The following GLMN variants were observed in gnomAD, a reference collection of about 807,000 sequenced individuals.
GLMN encodes the protein glomulin.
Under a neutral mutation model 87.8 loss-of-function variants are expected in GLMN, and 75 were observed. The observed-to-expected ratio is 0.85, with a 90% CI of 0.71 to 1.04. The LOEUF is 1.04. Among genes scored for constraint, GLMN ranks in the 50% least tolerant of loss-of-function variants. The pLI is 0.00. For missense variants in GLMN, 588 were observed against 658.8 expected, an observed-to-expected ratio of 0.89 and a Z score of 1.18; for synonymous variants, 206 against 221.6, an observed-to-expected ratio of 0.93 and a Z score of 0.63.
At chr1:92,323,343 G>A in the GLMN span, 1 of 717,858 alleles carries the variant, frequency 1.4e-6, no homozygotes, top group Non-Finnish European at 2.1e-6. Context: ...TACCTTGAAA[G>A]TTACAATGTA....
chr1:92,346,564 G>A, the GLMN span, among the ~76,000 whole-genome samples: 1 of 152,054 alleles, frequency 6.6e-6, no homozygotes, highest in Middle Eastern at 3.4e-3. Context: ...CATTGAATGG[G>A]CTTCATTATT....
chr1:92,261,467 C>T (rs1009700047), intron 16 of GLMN, among the ~76,000 whole-genome samples: 1 of 151,894 alleles, frequency 6.6e-6, no homozygotes, highest in Non-Finnish European at 1.5e-5. Context: ...GGCAAGAGAA[C>T]GAGACGCTCT....
chr1:92,317,663 A>T, the GLMN span, among the ~76,000 whole-genome samples: 1 of 152,126 alleles, frequency 6.6e-6, no homozygotes, highest in Non-Finnish European at 1.5e-5. Flanking sequence ...CATGCTACTG[A>T]ACTATATACC....
chr1:92,288,938 T>C lies in GLMN; in HGVS notation c.608A>G (p.Lys203Arg). ...DNKENSLENEKLKDELLKFCF... is the reference protein window; with the variant it reads ...DNKENSLENERLKDELLKFCF... ...CAATTTCAGTAATTCATCCTTTAAC[T>C]TTTCATTTTCCAGTGAGTTTTCTTT... is the stretch of plus-strand genomic sequence containing the variant. The change falls in exon 6 of 19, where the codon AAG (lysine) becomes AGG (arginine). Residue 203 changes from lysine to arginine, a missense_variant. Physicochemically the swap from Lys to Arg is conservative, Grantham distance 26. Coordinates refer to ENST00000370360, the MANE Select transcript of GLMN (RefSeq NM_053274.3). 1 of 1,588,418 alleles carries C rather than the reference T, an allele frequency of 6.3e-7. No individual in the cohort carries two copies. Among genetic ancestry groups the C allele is most frequent in the Non-Finnish European group, 8.6e-7 (1 of 1,156,844 alleles).
At chr1:92,341,073 A>T in the GLMN span, among the ~76,000 whole-genome samples, 7 of 152,062 alleles carry the variant, frequency 4.6e-5, no homozygotes, top group Non-Finnish European at 7.3e-5. Flanking sequence ...CCGTGTCGTG[A>T]TCTCAACTCA....
chr1:92,290,144 T>A, intron 5 of GLMN, 54 bp downstream of exon 5: 1 of 981,536 alleles, frequency 1.0e-6, no homozygotes. Flanking sequence ...GAGGTAACCA[T>A]CAAGGCATTT....
chr1:92,353,632 T>A, the GLMN span, among the ~76,000 whole-genome samples: 1 of 152,230 alleles, frequency 6.6e-6, no homozygotes, highest in African/African-American at 2.4e-5. Flanking sequence ...ATTTTTTGTT[T>A]CTTGCTTATA....
At chr1:92,269,591 T>G in intron 9 of GLMN, 132 bp downstream of exon 9, 2 of 681,074 alleles carry the variant, frequency 2.9e-6, no homozygotes, top group Non-Finnish European at 5.4e-6. Flanking sequence ...GTGAATTATT[T>G]GCCTCGCTGT....
At chr1:92,321,113 C>CAAA in the GLMN span, among the ~76,000 whole-genome samples, 1 of 150,840 alleles carries the variant, frequency 6.6e-6, no homozygotes, top group African/African-American at 2.5e-5. Context: ...GGCCATCTCT[C>CAAA]AAAACACATC....
chr1:92,310,680 T>G, the GLMN span, among the ~76,000 whole-genome samples: 20 of 152,148 alleles, frequency 1.3e-4, no homozygotes, highest in Non-Finnish European at 2.5e-4. Context: ...GTGGATCACC[T>G]GAGGTCAGGA....
intron 6 of GLMN, 61 bp from the exon 7 acceptor site, chr1:92,286,653 C>T (rs1306934927): frequency 8.5e-6 from 7 of 823,208 alleles, no homozygotes; most frequent in Non-Finnish European, 1.3e-5. Flanking sequence ...ATCCCTAGGT[C>T]TTCAAATCTA....
chr1:92,294,997 T>C (rs1649861438), intron 3 of GLMN, among the ~76,000 whole-genome samples: 2 of 152,228 alleles, frequency 1.3e-5, no homozygotes, highest in East Asian at 1.9e-4. Context: ...GTTTTGAACA[T>C]TGTCTTATCA....
intron 7 of GLMN, among the ~76,000 whole-genome samples, chr1:92,275,233 CATT>C (rs772316878): frequency 5.9e-5 from 9 of 152,152 alleles, no homozygotes; most frequent in Non-Finnish European, 1.2e-4. Context: ...TCTACCTCCT[CATT>C]ATTAAGAGAT....
Position 92,269,692 on chromosome 1 carries a change from T to G in GLMN, c.977+31A>C, listed in dbSNP as rs770241653. 2.7e-6 allele frequency: 4 copies of G among 1,483,436 alleles called. No homozygotes were observed. The East Asian group carries it at 9.0e-5, about 34-fold the overall frequency. 91.9% of individuals were successfully genotyped at this position (1,483,436 alleles called of 1,614,324 possible). On this transcript the variant is annotated intron_variant, in intron 9 of 18. Coordinates refer to ENST00000370360, the MANE Select transcript of GLMN (RefSeq NM_053274.3). ...CAAGGACTATTTTAACACTACTATT[T>G]CATTTTGAGATACCATCTAAACGAT...
chr1:92,264,786 C>A (rs919080458), intron 13 of GLMN, 148 bp from the exon 14 acceptor site: 4 of 661,020 alleles, frequency 6.1e-6, no homozygotes, highest in Non-Finnish European at 1.1e-5. Flanking sequence ...GGTCATCAAC[C>A]AATTACAAAG....
the GLMN span, among the ~76,000 whole-genome samples, chr1:92,341,032 A>G: frequency 6.6e-6 from 1 of 152,122 alleles, no homozygotes; most frequent in Non-Finnish European, 1.5e-5. Context: ...TTTTTGAGAC[A>G]GAGTCTCACT....
At chr1:92,268,182 G>T in intron 9 of GLMN, 47 bp from the exon 10 acceptor site, 1 of 983,430 alleles carries the variant, frequency 1.0e-6, no homozygotes, top group South Asian at 1.3e-5. Context: ...AACTATTTTA[G>T]AATGATACTT....
In GLMN at chr1:92,271,629, G is replaced by C; in HGVS notation, c.759C>G (p.His253Gln). ...EIIGFLSAIG[H>Q]PFPKMIFNHG... Reference sequence around the variant, plus strand: ...GATTAAAAATCATTTTGGGGAAAGGGTGTCCAATTGCTGATAAAAAACCCT... The same window carrying C: ...GATTAAAAATCATTTTGGGGAAAGGCTGTCCAATTGCTGATAAAAAACCCT... The change falls in exon 8 of 19, where the codon CAC (histidine) becomes CAG (glutamine). Residue 253 changes from histidine to glutamine, a missense_variant. Coordinates refer to ENST00000370360, the MANE Select transcript of GLMN (RefSeq NM_053274.3). 6.2e-7 allele frequency: 1 copy of C among 1,612,118 alleles called. No individual in the cohort carries two copies. The highest frequency in any genetic ancestry group is 8.5e-7 in the Non-Finnish European group (1 of 1,178,434).
the GLMN span, among the ~76,000 whole-genome samples, chr1:92,342,104 AG>A: frequency 6.6e-6 from 1 of 152,224 alleles, no homozygotes; most frequent in Admixed American, 6.5e-5. Context: ...ATTCTAATAG[AG>A]GGAGTACAAA....
Sources: allele counts gnomAD v4.1 joint callset (sites outside exome capture counted in the v4.1 genomes callset), GRCh38; gene constraint gnomAD v4.1.1; transcripts MANE v1.5; gene names NCBI Gene and HGNC (gene_info 2026-07-23, HGNC 2026-07-21).